TOP1MT: variants seen among roughly 807,000 people sequenced by gnomAD.
TOP1MT encodes the protein DNA topoisomerase I mitochondrial.
TOP1MT carries 80 observed loss-of-function variants against 73.9 expected under a neutral mutation model. The ratio of observed to expected loss-of-function variants is 1.08; its 90% confidence interval spans 0.90 to 1.30. The LOEUF (loss-of-function observed/expected upper bound fraction) is 1.30, where lower values mean the gene tolerates loss of function less well. TOP1MT is among the 50% of genes most tolerant of loss of function. The pLI, the probability that TOP1MT is intolerant of heterozygous loss-of-function variation, is 0.00. For missense variants in TOP1MT, 815 were observed against 808.0 expected, an observed-to-expected ratio of 1.01 and a Z score of -0.10; for synonymous variants, 338 against 326.4, an observed-to-expected ratio of 1.04 and a Z score of -0.38.
At chr8:143,351,234 C>T (rs1409048921) in intron 1 of TOP1MT, among the ~76,000 whole-genome samples, 1 of 152,162 alleles carries the variant, frequency 6.6e-6, no homozygotes, top group Non-Finnish European at 1.5e-5. Flanking sequence ...ATTACAGCGG[C>T]CTCTCCTGGA....
At chr8:143,334,683 G>T in intron 1 of TOP1MT, 57 bp downstream of exon 1, 1 of 1,589,414 alleles carries the variant, frequency 6.3e-7, no homozygotes, top group South Asian at 1.1e-5. Flanking sequence ...CCCCTTTCTG[G>T]ACCTACCCAA....
intron 12 of TOP1MT, among the ~76,000 whole-genome samples, chr8:143,313,306 T>A (rs577100669): frequency 2.6e-5 from 4 of 152,172 alleles, no homozygotes; most frequent in Admixed American, 2.6e-4. Flanking sequence ...ATCCCAGCAC[T>A]TTGGGAGGCC....
chr8:143,324,811 C>T (rs1002069183), intron 5 of TOP1MT, among the ~76,000 whole-genome samples, 182 bp from the exon 6 acceptor site: 15 of 152,290 alleles, frequency 9.8e-5, no homozygotes, highest in Non-Finnish European at 1.9e-4. Flanking sequence ...CTCAATCTAC[C>T]CTCTGCACAC....
chr8:143,316,148 A>G, intron 10 of TOP1MT, 22 bp from the exon 11 acceptor site: 1 of 1,613,908 alleles, frequency 6.2e-7, no homozygotes, highest in Non-Finnish European at 8.5e-7. Context: ...GGGCTGTCAG[A>G]GGCAGCACCC....
chr8:143,317,983 G>A (rs759124375), intron 9 of TOP1MT, 35 bp downstream of exon 9: 96 of 1,611,562 alleles, frequency 6.0e-5, no homozygotes, highest in African/African-American at 3.2e-4. Context: ...GGGTCCTGCC[G>A]CCGCCCACTG....
intron 2 of TOP1MT, 146 bp from the exon 3 acceptor site, chr8:143,329,617 T>A: frequency 1.0e-6 from 1 of 960,084 alleles, no homozygotes; most frequent in Non-Finnish European, 1.5e-6. Context: ...TTCAGAAGCA[T>A]GTTCTGCATG....
Position 143,316,097 on chromosome 8 carries a change from A to G in TOP1MT, c.1360T>C (p.Ser454Pro). The G allele has an allele frequency of 1.9e-6, 3 of 1,614,148 alleles. No homozygotes were observed. Among genetic ancestry groups the G allele is most frequent in the Non-Finnish European group, 2.5e-6 (3 of 1,179,992 alleles). Residue 454 changes from serine (S) to proline (P), a missense_variant, in exon 11 of 14, where the codon TCC becomes CCC. By Grantham distance (74) the Ser-to-Pro change is moderately conservative. Around this residue, in one of 3 missense-constraint regions of TOP1MT, gnomAD observed 751 missense variants for 725.4 expected, o/e 1.04. Transcript: ENST00000329245. ...ACGACTCGGTTGGCTCGGTTGTAGG[A>G]TAAGATCTTAGCTGCTATGCTGTCC... ...AEDSIAAKIL[S>P]YNRANRVVAI...
intron 1 of TOP1MT, 90 bp downstream of exon 1, chr8:143,334,650 G>A (rs1218982820): frequency 2.6e-6 from 4 of 1,543,816 alleles, no homozygotes; most frequent in Non-Finnish European, 2.6e-6. Context: ...GCAGGGCAAG[G>A]CCGTCCCACG....
At position 143,317,529 on chromosome 8, in the gene TOP1MT, G is replaced by A. The variant is rs960664288; in HGVS notation, c.1330+194C>T. On this transcript the variant is annotated intron_variant, in intron 10 of 13. Transcript: ENST00000329245. ...GTGGCTGGGATGCCTGGGGTCCCGA[G>A]AGCCAGAACCTCCCTCCTCCTCCCC... 5.3e-5 allele frequency among the ~76,000 whole-genome samples: 8 copies of A among 152,318 alleles called. No homozygotes were observed. The South Asian group carries it at 1.0e-3, about 20-fold the overall frequency.
At chr8:143,342,500 CTGT>C (rs1294803503) in intron 2 of TOP1MT, among the ~76,000 whole-genome samples, 1 of 118,222 alleles carries the variant, frequency 8.5e-6, no homozygotes, top group Non-Finnish European at 1.6e-5. Flanking sequence ...CAGAGTCTCG[CTGT>C]TATTATTATT....
chr8:143,356,352 C>T (rs1817407180), upstream of TOP1MT, among the ~76,000 whole-genome samples: 3 of 152,248 alleles, frequency 2.0e-5, no homozygotes, highest in Non-Finnish European at 2.9e-5. Context: ...ACCCTACACA[C>T]GACCCAGGCA....
Position 143,321,381 on chromosome 8 carries a change from T to C in TOP1MT, c.966A>G (p.Ala322=), listed in dbSNP as rs368919985. The change falls in exon 8 of 14, where the codon GCA becomes GCG. Residue 322 remains alanine, a synonymous_variant. Coordinates refer to ENST00000329245, the MANE Select transcript of TOP1MT (RefSeq NM_052963.3). ...AVALYFIDKL[A]LRAGNEKEDG... is the part of the protein sequence containing the mutation. ...CCTCCTTCTCATTTCCTGCTCTCAG[T>C]GCCAGCTAGTTGGTGGGGAATGGTC... The C allele has an allele frequency of 1.9e-6, 3 of 1,581,512 alleles. No individual in the cohort carries two copies. The highest frequency in any genetic ancestry group is 2.6e-6 in the Non-Finnish European group (3 of 1,157,760).
intron 7 of TOP1MT, among the ~76,000 whole-genome samples, chr8:143,322,384 C>CA (rs1816464691): frequency 1.0e-5 from 1 of 97,270 alleles, no homozygotes; most frequent in Admixed American, 1.3e-4. Flanking sequence ...ACGCCACACA[C>CA]GCACGCCACA....
At chr8:143,332,995 C>G (rs1338613913) in intron 1 of TOP1MT, among the ~76,000 whole-genome samples, 5 of 152,288 alleles carry the variant, frequency 3.3e-5, no homozygotes, top group East Asian at 3.9e-4. Flanking sequence ...TCAAGAGAGC[C>G]CACCAGCCCT....
intron 2 of TOP1MT, among the ~76,000 whole-genome samples, chr8:143,330,091 G>A (rs1011592972): frequency 3.3e-5 from 5 of 152,226 alleles, no homozygotes; most frequent in African/African-American, 4.8e-5. Context: ...TAAGAAGGAG[G>A]AAGGCATTTC....
chr8:143,351,579 C>CAAA (rs35498119), intron 1 of TOP1MT, among the ~76,000 whole-genome samples: 2 of 91,508 alleles, frequency 2.2e-5, no homozygotes, highest in Non-Finnish European at 2.2e-5. Context: ...GACCCAGTCT[C>CAAA]AAAAAAAAAA....
chr8:143,331,189 G>T, intron 2 of TOP1MT, 35 bp downstream of exon 2: 1 of 1,535,180 alleles, frequency 6.5e-7, no homozygotes, highest in Non-Finnish European at 8.9e-7. Context: ...GGAACCAAGC[G>T]CAGGCTGGGG....
chr8:143,341,772 G>A lies in TOP1MT; in HGVS notation c.29+1448C>T, dbSNP rs1197146326. Among the ~76,000 whole-genome samples the A allele has an allele frequency of 6.6e-6, 1 of 152,262 alleles. No individual in the cohort carries two copies. The highest frequency in any genetic ancestry group is 2.4e-5 in the African/African-American group (1 of 41,558). On this transcript the variant is annotated intron_variant, in intron 2 of 5. Transcript: ENST00000518007. The surrounding 1 kb of genome is among the most constrained non-coding windows in gnomAD (Gnocchi z 4.1). ...CAGACACAAAACACCAGAAAGGGAA[G>A]GTCACAGAGCACTATCCCGACACCA...
rs1394430369 is a variant in TOP1MT, at chr8:143,326,312, CTT to C, written c.391_392del (p.Lys131GlufsTer6). The part of the protein sequence containing the change: ...EMAVEEREVI[K>X]SLDKCDFTEI... ...CCGTGAAGTCACACTTGTCCAGGCT[CTT>C]GATGACTTCCCTCTCTTCCACCGCC... is the stretch of plus-strand genomic sequence containing the variant. On this transcript the variant is annotated frameshift_variant, in exon 4 of 14. Transcript: ENST00000329245. LOFTEE classifies it high-confidence loss of function. The C allele has an allele frequency of 1.2e-6, 2 of 1,614,046 alleles. No individual in the cohort carries two copies. The highest frequency in any genetic ancestry group is 4.5e-5 in the East Asian group (2 of 44,882).
Sources: gnomAD v4.1 joint callset for allele counts (sites outside exome capture counted in the v4.1 genomes callset) on GRCh38, gnomAD v4.1.1 for gene constraint, gnomAD v4.1.1 regional missense constraint, Gnocchi (gnomAD v3.1) non-coding constraint, MANE v1.5 for transcripts, NCBI Gene and HGNC (gene_info 2026-07-23, HGNC 2026-07-21) for gene names.